The following MRTFB variants were observed in gnomAD, a reference collection of about 807,000 sequenced individuals.
MRTFB encodes the protein myocardin related transcription factor B, also known as myocardin-related transcription factor B.
In MRTFB, 29 loss-of-function variants were observed where a neutral mutation model predicts 104.2. The ratio of observed to expected loss-of-function variants is 0.28; its 90% CI spans 0.21 to 0.38. The LOEUF (loss-of-function observed/expected upper bound fraction) is 0.38, where lower values mean the gene tolerates loss of function less well. Among genes scored for constraint, MRTFB ranks in the 10% least tolerant of loss-of-function variants. The pLI is 1.00. For missense variants in MRTFB, 1,270 were observed against 1,341.6 expected, an observed-to-expected ratio of 0.95 and a Z score of 0.83; for synonymous variants, 535 against 519.5, an observed-to-expected ratio of 1.03 and a Z score of -0.41.
intron 2 of MRTFB, among the ~76,000 whole-genome samples, chr16:14,139,983 T>C (rs1243980033): frequency 1.3e-5 from 2 of 152,210 alleles, no homozygotes; most frequent in Non-Finnish European, 2.9e-5. Context: ...GAGCCAGGTT[T>C]TACTGTGATA....
intron 1 of MRTFB, among the ~76,000 whole-genome samples, chr16:14,078,594 ATT>A (rs538876907): frequency 2.0e-4 from 28 of 140,622 alleles, no homozygotes; most frequent in Non-Finnish European, 2.2e-4. Flanking sequence ...CTCCTGGCAA[ATT>A]TTTTTTTTTT....
At chr16:14,047,325 C>G in the MRTFB span, among the ~76,000 whole-genome samples, 2 of 152,130 alleles carry the variant, frequency 1.3e-5, no homozygotes, top group Non-Finnish European at 2.9e-5. Flanking sequence ...GATAGCTGGA[C>G]AGCTCCAGTC....
rs544215282 is a variant in MRTFB, at chr16:14,118,368, C to T, written c.-63-22176C>T. On this transcript the variant is annotated intron_variant, in intron 2 of 16. Coordinates refer to ENST00000571589, the MANE Select transcript of MRTFB (RefSeq NM_001308142.2). ...TGTTGCCCAGTCTGGTCTTGAACTC[C>T]TGAACTCAAGCGATCTGCCCGCCTC... Among the ~76,000 whole-genome samples the T allele has an allele frequency of 4.6e-4, 69 of 151,616 alleles. No individual in the cohort carries two copies. In the South Asian group the frequency reaches 0.011, roughly 24 times the overall value.
At chr16:14,060,156 G>A in the MRTFB span, among the ~76,000 whole-genome samples, 14 of 151,894 alleles carry the variant, frequency 9.2e-5, no homozygotes, top group East Asian at 3.9e-4. Flanking sequence ...ACAGGAGCCC[G>A]CCACCATGCC....
chr16:14,088,134 G>C (rs755022725), intron 2 of MRTFB, among the ~76,000 whole-genome samples: 38 of 152,144 alleles, frequency 2.5e-4, no homozygotes, highest in Non-Finnish European at 2.8e-4. Context: ...GATAGAAGAA[G>C]GATGGCCGGT....
At chr16:14,245,208 C>T (rs972294057) in intron 10 of MRTFB, among the ~76,000 whole-genome samples, 1 of 152,194 alleles carries the variant, frequency 6.6e-6, no homozygotes, top group Non-Finnish European at 1.5e-5. Context: ...AGCAACATCA[C>T]ACATTAATTA....
chr16:14,260,003 A>G (rs1271277082), intron 16 of MRTFB, among the ~76,000 whole-genome samples: 1 of 152,262 alleles, frequency 6.6e-6, no homozygotes, highest in Non-Finnish European at 1.5e-5. Context: ...GTATCTGCAT[A>G]TAAATGAAAC....
At chr16:14,143,157 ATTTCT>A (rs950533142) in intron 3 of MRTFB, 2 of 125,576 alleles carry the variant, frequency 1.6e-5, no homozygotes, top group Non-Finnish European at 3.3e-5. Flanking sequence ...GGCACTGAAC[ATTTCT>A]TTTTTTTTTT....
chr16:14,091,577 C>T (rs561092233), intron 2 of MRTFB, among the ~76,000 whole-genome samples: 1 of 152,136 alleles, frequency 6.6e-6, no homozygotes. Context: ...ATCACCATCA[C>T]ACTGAGAGTT....
intron 1 of MRTFB, among the ~76,000 whole-genome samples, chr16:14,075,317 G>A (rs1002577208): frequency 2.0e-5 from 3 of 152,178 alleles, no homozygotes; most frequent in East Asian, 1.9e-4. Flanking sequence ...TGTGCTTTGC[G>A]TCTTAAAGTG....
chr16:14,123,305 A>ATTTGTCAATT (rs371861208), intron 2 of MRTFB, among the ~76,000 whole-genome samples: 28,913 of 151,294 alleles, frequency 0.19, 4,599 homozygotes, highest in African/African-American at 0.43. Flanking sequence ...ATTAGATGCC[A>ATTTGTCAATT]TTGGCTTTTG....
At chr16:14,064,465 T>C in the MRTFB span, among the ~76,000 whole-genome samples, 2 of 152,204 alleles carry the variant, frequency 1.3e-5, no homozygotes, top group Admixed American at 6.5e-5. Context: ...AGAAGTTCTT[T>C]AGTTTAATTA....
At chr16:14,040,778 A>G in the MRTFB span, among the ~76,000 whole-genome samples, 2 of 152,022 alleles carry the variant, frequency 1.3e-5, no homozygotes, top group Non-Finnish European at 1.5e-5. Flanking sequence ...CTAACTCCAT[A>G]TTGCCAGATA....
In MRTFB at chr16:14,265,636, G is replaced by A. The variant is rs936909597; in HGVS notation, c.*4192G>A. 1 of 151,984 alleles carries A rather than the reference G, an allele frequency of 6.6e-6. No individual in the cohort carries two copies. The highest frequency in any genetic ancestry group is 2.4e-5 in the African/African-American group (1 of 41,338). The allele number at this position is 151,984 out of a possible 1,614,324, so 9.4% of individuals were successfully genotyped here. Reference sequence around the variant, plus strand: ...GCAGGTGCGTGTTTTTTCCACATTCGCCCTTTCTTGCAGTATCCAGGGAAA... The same window carrying A: ...GCAGGTGCGTGTTTTTTCCACATTCACCCTTTCTTGCAGTATCCAGGGAAA... On this transcript the variant is annotated 3_prime_UTR_variant, in exon 17 of 17. Coordinates refer to ENST00000571589, the MANE Select transcript of MRTFB (RefSeq NM_001308142.2).
the MRTFB span, among the ~76,000 whole-genome samples, chr16:14,007,886 G>A: frequency 5.3e-5 from 8 of 152,130 alleles, no homozygotes; most frequent in South Asian, 2.1e-4. Flanking sequence ...TTGGAGAAAC[G>A]TCTATTCAGA....
chr16:14,036,506 A>G, the MRTFB span, among the ~76,000 whole-genome samples: 13 of 148,786 alleles, frequency 8.7e-5, no homozygotes, highest in Non-Finnish European at 1.8e-4. Context: ...GTTGAAATAT[A>G]TACATTCCAT....
At chr16:14,006,201 G>A in the MRTFB span, among the ~76,000 whole-genome samples, 18,781 of 152,152 alleles carry the variant, frequency 0.12, 1,816 homozygotes, top group African/African-American at 0.27. Context: ...AAATTAGCTG[G>A]GCGTGGTGGC....
rs374460743 is a variant in MRTFB, at chr16:14,150,135, C to T, written c.154+9375C>T. On this transcript the variant is annotated intron_variant, in intron 3 of 16. Coordinates refer to ENST00000571589, the MANE Select transcript of MRTFB (RefSeq NM_001308142.2). The stretch of plus-strand genomic sequence containing the variant: ...ACCCTAAGCCTAGATCTTAGCCACA[C>T]CATTACTAGCTATGTGAATGTGGAC... Among the ~76,000 whole-genome samples, 7 of 152,288 alleles carry T rather than the reference C, an allele frequency of 4.6e-5. No individual in the cohort carries two copies. The East Asian group carries it at 9.7e-4, about 21-fold the overall frequency.
At chr16:14,207,823 C>A (rs1373693057) in intron 3 of MRTFB, among the ~76,000 whole-genome samples, 1 of 152,168 alleles carries the variant, frequency 6.6e-6, no homozygotes, top group East Asian at 1.9e-4. Context: ...AGCAAATTAT[C>A]AAACCTGGGG....
Sources: allele counts gnomAD v4.1 joint callset (sites outside exome capture counted in the v4.1 genomes callset), GRCh38; gene constraint gnomAD v4.1.1; transcripts MANE v1.5; gene names NCBI Gene and HGNC (gene_info 2026-07-23, HGNC 2026-07-21).